Variants in ADCY1 observed in about 807,000 individuals in gnomAD.
ADCY1 encodes the protein adenylate cyclase type 1.
Under a neutral mutation model 105.4 loss-of-function variants are expected in ADCY1, and 28 were observed. The observed-to-expected ratio is 0.27, with a 90% CI of 0.20 to 0.36. The LOEUF is 0.36. Among genes scored for constraint, ADCY1 ranks in the 10% least tolerant of loss-of-function variants. ADCY1 has a pLI of 1.00. For missense variants in ADCY1, 977 were observed against 1,434.2 expected (o/e 0.68, Z 5.15); for synonymous variants, 655 against 623.8 (o/e 1.05, Z -0.75).
Position 45,648,792 on chromosome 7 carries a change from C to A in ADCY1, c.1143C>A (p.Thr381=), listed in dbSNP as rs771986782. 6.2e-7 allele frequency: 1 copy of A among 1,613,978 alleles called. No individual in the cohort carries two copies. Among genetic ancestry groups the A allele is most frequent in the Middle Eastern group, 1.6e-4 (1 of 6,062 alleles). ...AGATGGGACTCGACATGATTGATAC[C>A]ATCACGTAAGTACCCCGTGGGGCTG... ...CVEMGLDMID[T]ITSVAEATEV... is the part of the protein sequence containing the mutation. The change falls in exon 5 of 20, where the codon ACC becomes ACA. Residue 381 remains threonine (T), a synonymous_variant. Coordinates refer to ENST00000297323, the MANE Select transcript of ADCY1 (RefSeq NM_021116.4).
At chr7:45,616,717 G>A (rs957941500) in intron 3 of ADCY1, among the ~76,000 whole-genome samples, 1 of 152,188 alleles carries the variant, frequency 6.6e-6, no homozygotes, top group African/African-American at 2.4e-5. Context: ...CATACTCAAT[G>A]ATGAAAAACA....
In ADCY1 at chr7:45,585,649, T is replaced by C. The variant is rs377424010; in HGVS notation, c.640-7110T>C. 7.2e-5 allele frequency among the ~76,000 whole-genome samples: 11 copies of C among 152,202 alleles called. No individual in the cohort carries two copies. In the East Asian group the frequency reaches 1.2e-3, roughly 16 times the overall value. On this transcript the variant is annotated intron_variant, in intron 1 of 19. Transcript: ENST00000297323. Reference sequence around the variant, plus strand: ...TTTTAGTAGAGATGGGGTTTCTCCATGTTGGTCAGGCTGGTCTTGAACTCC... The same window carrying C: ...TTTTAGTAGAGATGGGGTTTCTCCACGTTGGTCAGGCTGGTCTTGAACTCC...
chr7:45,714,073 C>T lies in ADCY1; in HGVS notation c.*78C>T. On this transcript the variant is annotated 3_prime_UTR_variant, in exon 20 of 20. Transcript: ENST00000297323. ...TGACACAGGCCACGGTGGCTCCAGCCAGGACCAGCCAGACCAGCAGAGCAG... is the reference window on the plus strand; with the variant it reads ...TGACACAGGCCACGGTGGCTCCAGCTAGGACCAGCCAGACCAGCAGAGCAG... 1 of 654,854 alleles carries T rather than the reference C, an allele frequency of 1.5e-6. No homozygotes were observed. Among genetic ancestry groups the T allele is most frequent in the Non-Finnish European group, 2.8e-6 (1 of 358,972 alleles). The allele number at this position is 654,854 out of a possible 1,614,324, so 40.6% of individuals were successfully genotyped here.
rs574396898 is a variant in ADCY1 at position 45,602,165 on chromosome 7, G to A, written c.790-8214G>A. Among the ~76,000 whole-genome samples the A allele has an allele frequency of 2.2e-4, 34 of 151,818 alleles. 1 individual carries two copies. In the South Asian group the frequency reaches 5.7e-3, roughly 25 times the overall value. Reference sequence around the variant, plus strand: ...GTCACAGGTATTACTTTTGGTAAGCGTGAGCTCTGCCTTCCTTCTGCTTGG... The same window carrying A: ...GTCACAGGTATTACTTTTGGTAAGCATGAGCTCTGCCTTCCTTCTGCTTGG... On this transcript the variant is annotated intron_variant, in intron 2 of 19. Transcript: ENST00000297323.
intron 4 of ADCY1, among the ~76,000 whole-genome samples, chr7:45,639,726 A>G (rs1486890417): frequency 6.6e-6 from 1 of 152,220 alleles, no homozygotes; most frequent in Admixed American, 6.5e-5. Context: ...CCAGAGATGC[A>G]TTCAGATTTC....
intron 4 of ADCY1, among the ~76,000 whole-genome samples, chr7:45,643,318 T>C (rs1486296812): frequency 3.3e-5 from 5 of 150,760 alleles, no homozygotes; most frequent in Non-Finnish European, 7.5e-5. Flanking sequence ...ATATTGATAT[T>C]TCCAATTCAC....
Position 45,594,349 on chromosome 7 carries a change from C to A in ADCY1, c.789+1441C>A, listed in dbSNP as rs1354543358. On this transcript the variant is annotated intron_variant, in intron 2 of 19. Coordinates refer to ENST00000297323, the MANE Select transcript of ADCY1 (RefSeq NM_021116.4). ...GTCAGTCACACAAGGAGAGATATCTCCTTTGTGCTTTCTGGGAGGCATATA... is the reference window on the plus strand; with the variant it reads ...GTCAGTCACACAAGGAGAGATATCTACTTTGTGCTTTCTGGGAGGCATATA... Among the ~76,000 whole-genome samples the A allele has an allele frequency of 2.6e-5, 4 of 152,090 alleles. No individual in the cohort carries two copies. In the East Asian group the frequency reaches 7.7e-4, roughly 29 times the overall value.
Position 45,662,195 on chromosome 7 carries a change from C to T in ADCY1, c.1586C>T (p.Thr529Ile), listed in dbSNP as rs983607572. 1.9e-6 allele frequency: 3 copies of T among 1,613,360 alleles called. No individual in the cohort carries two copies. In the African/African-American group the frequency reaches 4.0e-5, roughly 22 times the overall value. Residue 529 changes from threonine to isoleucine, a missense_variant, in exon 8 of 20, where the codon ACC becomes ATC. Physicochemically the swap from Thr to Ile is moderately conservative, Grantham distance 89. Around this residue, in one of 7 missense-constraint regions of ADCY1, gnomAD observed 275 missense variants for 362.1 expected, o/e 0.76. Coordinates refer to ENST00000297323, the MANE Select transcript of ADCY1 (RefSeq NM_021116.4). Reference sequence around the variant, plus strand: ...GAGATCCCCTTCTCCAATGTCATGACCTGCGAGGACGATGACAAGGTAGGA... The same window carrying T: ...GAGATCCCCTTCTCCAATGTCATGATCTGCGAGGACGATGACAAGGTAGGA... ...KAEIPFSNVMTCEDDDKRRAL... is the reference protein window; with the variant it reads ...KAEIPFSNVMICEDDDKRRAL...
intron 3 of ADCY1, among the ~76,000 whole-genome samples, chr7:45,610,780 G>GGTGGAGGTGATGGCGGAGGTGAA (rs1793532004): frequency 1.7e-5 from 1 of 57,574 alleles, no homozygotes; most frequent in East Asian, 6.5e-4. Flanking sequence ...GTGGAGGTGT[G>GGTGGAGGTGATGGCGGAGGTGAA]GGGGTGATGG....
intron 8 of ADCY1, among the ~76,000 whole-genome samples, chr7:45,673,230 G>A (rs2116167833): frequency 6.6e-6 from 1 of 151,962 alleles, no homozygotes; most frequent in East Asian, 1.9e-4. Context: ...AGGGATATTG[G>A]CCTGTAGTTT....
At position 45,575,303 on chromosome 7, in the gene ADCY1, TG is replaced by T; in HGVS notation, c.639+126del. On this transcript the variant is annotated intron_variant, in intron 1 of 19. Transcript: ENST00000297323. The surrounding 1 kb of genome is among the most constrained non-coding windows in gnomAD (Gnocchi z 4.7). ...CGGGTGGGGACACTGAGGCTCCGAG[TG>T]GGGGTGTGTTCAAGGTCACTCCTAC... is the stretch of plus-strand genomic sequence containing the variant. The T allele has an allele frequency of 7.8e-7, 1 of 1,279,358 alleles. No homozygotes were observed. The highest frequency in any genetic ancestry group is 1.0e-6 in the Non-Finnish European group (1 of 954,374). The allele number at this position is 1,279,358 out of a possible 1,614,324, so 79.3% of individuals were successfully genotyped here. A position where few individuals can be genotyped will look rare whatever the true frequency, so the allele number is the denominator to read the frequency against.
chr7:45,688,034 G>A (rs977221957), intron 14 of ADCY1, among the ~76,000 whole-genome samples: 1 of 152,242 alleles, frequency 6.6e-6, no homozygotes, highest in African/African-American at 2.4e-5. Flanking sequence ...TGCTGCTGGA[G>A]TTGGGAAGCC....
rs1477516932 is a variant in ADCY1 at position 45,592,856 on chromosome 7, C to T, written c.737C>T (p.Ala246Val). ...ERSQRKAFLQ[A>V]RSCIEDRLRL... ...TCACAGAGGAAGGCGTTCCTGCAGG[C>T]CCGGAGCTGCATTGAGGACCGACTG... is the stretch of plus-strand genomic sequence containing the variant. Residue 246 changes from alanine (A) to valine (V), a missense_variant, in exon 2 of 20, where the codon GCC becomes GTC. Ala to Val is a moderately conservative substitution (Grantham distance 64). Transcript: ENST00000297323. 1.9e-6 allele frequency: 3 copies of T among 1,614,212 alleles called. No individual in the cohort carries two copies. In the African/African-American group the frequency reaches 4.0e-5, roughly 22 times the overall value.
intron 14 of ADCY1, among the ~76,000 whole-genome samples, chr7:45,692,724 A>G (rs1025144532): frequency 1.3e-5 from 2 of 152,332 alleles, no homozygotes; most frequent in South Asian, 4.1e-4. Context: ...GTAACTGCAG[A>G]TGGTGATAGA....
chr7:45,580,884 G>A (rs1010050668), intron 1 of ADCY1, among the ~76,000 whole-genome samples: 1 of 152,170 alleles, frequency 6.6e-6, no homozygotes. Flanking sequence ...CTGGCTTTTA[G>A]AGTTGTTTGC....
chr7:45,673,382 A>G (rs1182208972), intron 8 of ADCY1, among the ~76,000 whole-genome samples: 1 of 152,122 alleles, frequency 6.6e-6, no homozygotes, highest in Non-Finnish European at 1.5e-5. Context: ...ATTTGCTAGA[A>G]TTTGTCAGTG....
At chr7:45,620,820 G>C (rs867162814) in intron 3 of ADCY1, among the ~76,000 whole-genome samples, 1 of 152,080 alleles carries the variant, frequency 6.6e-6, no homozygotes, top group Non-Finnish European at 1.5e-5. Context: ...TTCTGTATCC[G>C]GCAAAAATCA....
At chr7:45,643,794 G>A (rs950051556) in intron 4 of ADCY1, among the ~76,000 whole-genome samples, 1 of 152,072 alleles carries the variant, frequency 6.6e-6, no homozygotes, top group Non-Finnish European at 1.5e-5. Flanking sequence ...CCCCTCCATG[G>A]TTCCTTTTGG....
chr7:45,580,081 GA>G (rs1357512988), intron 1 of ADCY1, among the ~76,000 whole-genome samples: 1 of 152,052 alleles, frequency 6.6e-6, no homozygotes, highest in Non-Finnish European at 1.5e-5. Flanking sequence ...AAAGCTTCCA[GA>G]ATTGCCCCTG....
Sources: allele counts gnomAD v4.1 joint callset (sites outside exome capture counted in the v4.1 genomes callset), GRCh38; gene constraint gnomAD v4.1.1; regional missense constraint gnomAD v4.1.1; non-coding constraint Gnocchi (gnomAD v3.1); transcripts MANE v1.5; gene names NCBI Gene and HGNC (gene_info 2026-07-23, HGNC 2026-07-21).